Variants in PRUNE1 observed in about 807,000 individuals in gnomAD.
The protein encoded by PRUNE1 is exopolyphosphatase PRUNE1.
A neutral mutation model predicts 42.5 loss-of-function variants in PRUNE1; 25 were observed. The observed-to-expected ratio is 0.59, with a 90% CI of 0.43 to 0.82. The LOEUF is 0.82. Ranked by LOEUF, PRUNE1 falls within the 40% of genes least tolerant of loss-of-function variation. PRUNE1 has a pLI of 0.00. For missense variants in PRUNE1, 443 were observed against 539.3 expected (o/e 0.82, Z 1.77); for synonymous variants, 203 against 217.1 (o/e 0.93, Z 0.57).
intron 4 of PRUNE1, 97 bp downstream of exon 4, chr1:151,024,892 C>A: frequency 8.0e-7 from 1 of 1,256,208 alleles, no homozygotes; most frequent in Non-Finnish European, 1.1e-6. Context: ...TAACCATATG[C>A]TCTCAGAGCC....
rs1674706307 is a variant in PRUNE1, at chr1:151,024,656, T to G, written c.381T>G (p.His127Gln). ...LEEAVAEVLD[H>Q]RPIEPKHCPP... ...AGGCAGTAGCAGAGGTGCTAGACCA[T>G]CGACCCATCGAGCCGAAACACTGCC... Residue 127 changes from histidine to glutamine, a missense_variant, in exon 4 of 8, where the codon CAT (histidine) becomes CAG (glutamine). Transcript: ENST00000271620. 1 of 1,613,346 alleles carries G rather than the reference T, an allele frequency of 6.2e-7. No homozygotes were observed. Among genetic ancestry groups the G allele is most frequent in the South Asian group, 1.1e-5 (1 of 91,072 alleles).
intron 7 of PRUNE1, among the ~76,000 whole-genome samples, chr1:151,030,572 C>T (rs1675182340): frequency 6.6e-6 from 1 of 152,122 alleles, no homozygotes; most frequent in Non-Finnish European, 1.5e-5. Context: ...CTCACTGCAA[C>T]CGCCACCTCC....
At chr1:151,032,251 A>AG (rs1675284438) in intron 7 of PRUNE1, among the ~76,000 whole-genome samples, 1 of 151,488 alleles carries the variant, frequency 6.6e-6, no homozygotes, top group African/African-American at 2.4e-5. Flanking sequence ...TTTCAAAAAA[A>AG]AAAAAATTAA....
chr1:151,032,055 G>C (rs1249630379), intron 7 of PRUNE1, among the ~76,000 whole-genome samples: 1 of 152,056 alleles, frequency 6.6e-6, no homozygotes, highest in Non-Finnish European at 1.5e-5. Context: ...GACCAGCCTG[G>C]CCAATATGGC....
At chr1:151,028,246 T>C (rs1005566090) in intron 6 of PRUNE1, among the ~76,000 whole-genome samples, 7 of 152,080 alleles carry the variant, frequency 4.6e-5, no homozygotes, top group African/African-American at 1.4e-4. Flanking sequence ...TGTTTGTTTG[T>C]TTGTTTGTTT....
intron 1 of PRUNE1, among the ~76,000 whole-genome samples, chr1:151,009,938 C>T (rs1307829706): frequency 6.6e-6 from 1 of 152,124 alleles, no homozygotes; most frequent in Non-Finnish European, 1.5e-5. Context: ...GGATTTTACC[C>T]CCCAGTAACC....
chr1:151,020,994 AAAAT>A (rs1209849645), intron 3 of PRUNE1, among the ~76,000 whole-genome samples: 1 of 151,454 alleles, frequency 6.6e-6, no homozygotes, highest in Non-Finnish European at 1.5e-5. Context: ...AAAAAAAAAA[AAAAT>A]AGCTGGGCGT....
Position 151,035,337 on chromosome 1 carries a change from ACT to A in PRUNE1, c.*1105_*1106del, listed in dbSNP as rs967642925. 2.0e-5 allele frequency: 3 copies of A among 152,030 alleles called. No individual in the cohort carries two copies. The highest frequency in any genetic ancestry group is 2.9e-5 in the Non-Finnish European group (2 of 68,024). The allele number at this position is 152,030 out of a possible 1,614,324, so 9.4% of individuals were successfully genotyped here. Reference sequence around the variant, plus strand: ...GTATTTCTGTGTGGTTGTAGCAAGGACTCAGCCTCATGTAGCACGAATAGGGG... The same window carrying A: ...GTATTTCTGTGTGGTTGTAGCAAGGACAGCCTCATGTAGCACGAATAGGGG... On this transcript the variant is annotated 3_prime_UTR_variant, in exon 8 of 8. Coordinates refer to ENST00000271620, the MANE Select transcript of PRUNE1 (RefSeq NM_021222.3).
At chr1:151,025,027 A>G (rs1674736487) in intron 4 of PRUNE1, among the ~76,000 whole-genome samples, 1 of 152,184 alleles carries the variant, frequency 6.6e-6, no homozygotes, top group East Asian at 1.9e-4. Context: ...GAAGCTTCCT[A>G]TTGGCATCAT....
Position 151,029,603 on chromosome 1 carries a change from G to A in PRUNE1, c.933+659G>A, listed in dbSNP as rs587602412. Among the ~76,000 whole-genome samples, 27 of 151,528 alleles carry A rather than the reference G, an allele frequency of 1.8e-4. No individual in the cohort carries two copies. The East Asian group carries it at 1.8e-3, about 10-fold the overall frequency. On this transcript the variant is annotated intron_variant, in intron 7 of 7. Transcript: ENST00000271620. The stretch of plus-strand genomic sequence containing the variant: ...AGGATAGTCTCGATCTCCTGACCTC[G>A]TGATCCGCCCGCCTTGGCCTCCCAA...
At chr1:151,021,112 G>A (rs1257989128) in intron 3 of PRUNE1, among the ~76,000 whole-genome samples, 19 of 140,264 alleles carry the variant, frequency 1.4e-4, no homozygotes, top group South Asian at 2.3e-4. Context: ...GCGCCACTGC[G>A]CTCCAGTCTG....
chr1:151,032,713 C>A (rs370266936), intron 7 of PRUNE1, among the ~76,000 whole-genome samples: 409 of 138,082 alleles, frequency 3.0e-3, no homozygotes, highest in East Asian at 3.4e-3. Flanking sequence ...GACTCTGTCT[C>A]AAAAAAAAAA....
In PRUNE1 at chr1:151,024,638, A is replaced by G; in HGVS notation, c.363A>G (p.Val121=). The change falls in exon 4 of 8, where the codon GTA becomes GTG. Residue 121 remains valine, a synonymous_variant. Transcript: ENST00000271620. ...SKSDTALEEA[V]AEVLDHRPIE... ...GTGACACAGCCCTAGAGGAGGCAGT[A>G]GCAGAGGTGCTAGACCATCGACCCA... The G allele has an allele frequency of 6.2e-7, 1 of 1,612,102 alleles. No homozygotes were observed. Among genetic ancestry groups the G allele is most frequent in the Non-Finnish European group, 8.5e-7 (1 of 1,178,144 alleles).
At chr1:151,017,745 A>T in intron 1 of PRUNE1, 67 bp from the exon 2 acceptor site, 1 of 1,062,064 alleles carries the variant, frequency 9.4e-7, no homozygotes, top group Non-Finnish European at 1.4e-6. Context: ...ATATTATTTA[A>T]AAAAAAAAGA....
At chr1:151,026,407 G>A (rs893410736) in intron 5 of PRUNE1, among the ~76,000 whole-genome samples, 15 of 151,826 alleles carry the variant, frequency 9.9e-5, no homozygotes, top group African/African-American at 3.4e-4. Context: ...GCAGTGAGCC[G>A]AGATTGCGCC....
chr1:151,014,910 G>A (rs1010134865), intron 1 of PRUNE1, among the ~76,000 whole-genome samples: 4 of 152,210 alleles, frequency 2.6e-5, no homozygotes, highest in East Asian at 3.8e-4. Context: ...AGAATTATCC[G>A]GCTGGGCATG....
chr1:151,032,134 A>C (rs1468840110), intron 7 of PRUNE1, among the ~76,000 whole-genome samples: 1 of 151,968 alleles, frequency 6.6e-6, no homozygotes, highest in African/African-American at 2.4e-5. Context: ...AATCCCAGCT[A>C]CTCAGGAGGC....
chr1:151,011,029 TGAAAAA>T (rs1673743572), intron 1 of PRUNE1, among the ~76,000 whole-genome samples: 1 of 152,198 alleles, frequency 6.6e-6, no homozygotes, highest in South Asian at 2.1e-4. Context: ...GGATATGAAA[TGAAAAA>T]GATAAAGATC....
At chr1:151,030,262 C>CAA (rs779376441) in intron 7 of PRUNE1, among the ~76,000 whole-genome samples, 37 of 86,080 alleles carry the variant, frequency 4.3e-4, no homozygotes, top group South Asian at 7.9e-4. Context: ...ACTCCGTCTC[C>CAA]AAAAAAAAAA....
Sources: allele counts gnomAD v4.1 joint callset (sites outside exome capture counted in the v4.1 genomes callset), GRCh38; gene constraint gnomAD v4.1.1; transcripts MANE v1.5; gene names NCBI Gene and HGNC (gene_info 2026-07-23, HGNC 2026-07-21).